Variants in MRTFA observed in about 807,000 individuals in gnomAD.
The protein encoded by MRTFA is myocardin-related transcription factor A.
Under a neutral mutation model 83.5 loss-of-function variants are expected in MRTFA, and 20 were observed. The ratio of observed to expected loss-of-function variants is 0.24; its 90% CI spans 0.17 to 0.35. The LOEUF (loss-of-function observed/expected upper bound fraction) is 0.35, where lower values mean the gene tolerates loss of function less well. Ranked by LOEUF, MRTFA falls within the 10% of genes least tolerant of loss-of-function variation. The pLI is 1.00. For synonymous variants in MRTFA, 659 were observed against 541.2 expected, an observed-to-expected ratio of 1.22 and a Z score of -3.02; for missense variants, 1,200 against 1,224.7, an observed-to-expected ratio of 0.98 and a Z score of 0.30.
chr22:40,581,108 AG>A (rs1274176914), intron 2 of MRTFA, among the ~76,000 whole-genome samples: 1 of 152,028 alleles, frequency 6.6e-6, no homozygotes, highest in East Asian at 1.9e-4. Flanking sequence ...CACCATGCCA[AG>A]CCACTTGCTT....
intron 4 of MRTFA, among the ~76,000 whole-genome samples, chr22:40,445,867 C>A (rs1471858428): frequency 6.6e-6 from 1 of 152,182 alleles, no homozygotes; most frequent in Non-Finnish European, 1.5e-5. Context: ...AATCAAGAAT[C>A]ATGCACTGCA....
chr22:40,597,812 T>C (rs112416543), intron 1 of MRTFA, among the ~76,000 whole-genome samples: 1 of 152,240 alleles, frequency 6.6e-6, no homozygotes, highest in Non-Finnish European at 1.5e-5. Flanking sequence ...TCTGTGCTAT[T>C]TGAAGGCTTA....
chr22:40,417,470 T>C lies in MRTFA; in HGVS notation c.2388A>G (p.Pro796=), dbSNP rs745661913. The change falls in exon 13 of 15, where the codon CCA becomes CCG. Residue 796 remains proline, a synonymous_variant. Coordinates refer to ENST00000355630, the MANE Select transcript of MRTFA (RefSeq NM_020831.6). ...CCATCTGGGCAGAGGGGGCAGGCGC[T>C]GGAGAGCCAGGCTGGGACGAGGGCT... The C allele has an allele frequency of 1.3e-6, 2 of 1,544,398 alleles. No homozygotes were observed. Among genetic ancestry groups the C allele is most frequent in the South Asian group, 1.1e-5 (1 of 87,762 alleles).
At chr22:40,430,860 C>CAAAAAAAA (rs1171650702) in intron 6 of MRTFA, among the ~76,000 whole-genome samples, 3 of 35,062 alleles carry the variant, frequency 8.6e-5, no homozygotes, top group Admixed American at 3.6e-4. Flanking sequence ...GACTCCATCA[C>CAAAAAAAA]AAAAAAAAAA....
At chr22:40,445,894 TTG>T (rs1465713378) in intron 4 of MRTFA, among the ~76,000 whole-genome samples, 1 of 152,200 alleles carries the variant, frequency 6.6e-6, no homozygotes, top group Non-Finnish European at 1.5e-5. Context: ...TGTTGTCAAT[TTG>T]GTCACAATCT....
At chr22:40,446,848 T>C (rs1314020302) in intron 4 of MRTFA, among the ~76,000 whole-genome samples, 1 of 152,202 alleles carries the variant, frequency 6.6e-6, no homozygotes, top group Non-Finnish European at 1.5e-5. Context: ...TTCCAATAAA[T>C]ATCTGCGAGC....
chr22:40,533,679 A>C (rs1252173543), intron 3 of MRTFA: 1 of 1,157,614 alleles, frequency 8.6e-7, no homozygotes, highest in African/African-American at 1.6e-5. Flanking sequence ...ATAATGAAGA[A>C]AGTCAAAGTC....
chr22:40,464,153 T>C (rs1181781951), intron 3 of MRTFA, among the ~76,000 whole-genome samples: 1 of 151,048 alleles, frequency 6.6e-6, no homozygotes, highest in Non-Finnish European at 1.5e-5. Context: ...ATACAAAAAT[T>C]AGTCGGGTGT....
intron 4 of MRTFA, among the ~76,000 whole-genome samples, chr22:40,441,819 T>C (rs1215811424): frequency 6.8e-6 from 1 of 146,820 alleles, no homozygotes; most frequent in Non-Finnish European, 1.5e-5. Context: ...TATGTATGTG[T>C]ATATATATAT....
chr22:40,554,962 C>T (rs185712203), intron 2 of MRTFA, among the ~76,000 whole-genome samples: 1 of 152,330 alleles, frequency 6.6e-6, no homozygotes, highest in East Asian at 1.9e-4. Flanking sequence ...TTAATGACTG[C>T]CCTGCTGGGT....
At chr22:40,618,721 T>A (rs2056484369) in intron 1 of MRTFA, among the ~76,000 whole-genome samples, 1 of 152,104 alleles carries the variant, frequency 6.6e-6, no homozygotes, top group Non-Finnish European at 1.5e-5. Context: ...TCCAGCACTT[T>A]GGGAAGCCAA....
chr22:40,600,635 T>A (rs957969698), intron 1 of MRTFA, among the ~76,000 whole-genome samples: 14 of 152,156 alleles, frequency 9.2e-5, no homozygotes, highest in Non-Finnish European at 2.9e-5. Context: ...CCGAACATGC[T>A]CATGTGCTCA....
At chr22:40,463,560 CA>C (rs2053754713) in intron 3 of MRTFA, 2 of 360,114 alleles carry the variant, frequency 5.6e-6, no homozygotes, top group African/African-American at 4.2e-5. Flanking sequence ...TCAAAACCTC[CA>C]AAACACTGAG....
intron 3 of MRTFA, among the ~76,000 whole-genome samples, chr22:40,540,358 T>G (rs2055267816): frequency 6.6e-6 from 1 of 152,202 alleles, no homozygotes; most frequent in African/African-American, 2.4e-5. Context: ...TTTAAGGTGC[T>G]GCCTTCTCCA....
At chr22:40,567,776 A>G (rs980623661) in intron 2 of MRTFA, among the ~76,000 whole-genome samples, 4 of 152,212 alleles carry the variant, frequency 2.6e-5, no homozygotes, top group Non-Finnish European at 5.9e-5. Flanking sequence ...TTTGGGGGGA[A>G]AGGAAGACAT....
chr22:40,472,453 G>A (rs1407373513), intron 3 of MRTFA, among the ~76,000 whole-genome samples: 1 of 152,078 alleles, frequency 6.6e-6, no homozygotes, highest in African/African-American at 2.4e-5. Flanking sequence ...ATCATCTTTT[G>A]CTGTGTTTTG....
At chr22:40,612,361 C>G (rs1033044126) in intron 1 of MRTFA, among the ~76,000 whole-genome samples, 1 of 152,204 alleles carries the variant, frequency 6.6e-6, no homozygotes, top group Admixed American at 6.5e-5. Context: ...GTACGTTATT[C>G]AGCCACTCAT....
intron 1 of MRTFA, among the ~76,000 whole-genome samples, chr22:40,621,874 A>G (rs1191656643): frequency 6.6e-6 from 1 of 152,218 alleles, no homozygotes; most frequent in Non-Finnish European, 1.5e-5. Flanking sequence ...GGAATTATCT[A>G]TAACTGTTAC....
chr22:40,437,259 G>A (rs575565923), intron 4 of MRTFA, among the ~76,000 whole-genome samples: 9 of 152,096 alleles, frequency 5.9e-5, no homozygotes, highest in Non-Finnish European at 1.2e-4. Context: ...ACTGTGTAAC[G>A]CTAGCTCAAC....
Sources: allele counts gnomAD v4.1 joint callset (sites outside exome capture counted in the v4.1 genomes callset), GRCh38; gene constraint gnomAD v4.1.1; transcripts MANE v1.5; gene names NCBI Gene and HGNC (gene_info 2026-07-23, HGNC 2026-07-21).